Variants in GRID2 observed in about 807,000 individuals in gnomAD.
GRID2 encodes the protein glutamate receptor ionotropic, delta-2.
GRID2 carries 33 observed loss-of-function variants against 114.8 expected under a neutral mutation model. That is an observed-to-expected ratio of 0.29 (90% CI 0.22 to 0.38). The LOEUF (loss-of-function observed/expected upper bound fraction) is 0.38. Ranked by LOEUF, GRID2 falls within the 10% of genes least tolerant of loss-of-function variation. GRID2 has a pLI of 1.00. For synonymous variants in GRID2, 505 were observed against 449.9 expected (o/e 1.12, Z -1.55); for missense variants, 1,184 against 1,257.7 (o/e 0.94, Z 0.89).
chr4:92,916,066 A>C (rs1748766729), intron 2 of GRID2, among the ~76,000 whole-genome samples: 2 of 152,092 alleles, frequency 1.3e-5, no homozygotes, highest in African/African-American at 2.4e-5. Context: ...TAAACTCTTT[A>C]GTGTAATTAG....
chr4:92,571,831 C>A, intron 1 of GRID2, among the ~76,000 whole-genome samples: 1 of 152,128 alleles, frequency 6.6e-6, no homozygotes, highest in Non-Finnish European at 1.5e-5. Flanking sequence ...TTCTTTGAAA[C>A]CAATGAGAAC....
chr4:93,227,076 C>A (rs754539422), intron 7 of GRID2, among the ~76,000 whole-genome samples: 4 of 152,118 alleles, frequency 2.6e-5, no homozygotes, highest in Non-Finnish European at 5.9e-5. Flanking sequence ...ATTTTGCCTT[C>A]CGAGAGACTG....
chr4:92,633,138 G>C (rs1262434427), intron 2 of GRID2, among the ~76,000 whole-genome samples: 1 of 152,050 alleles, frequency 6.6e-6, no homozygotes, highest in Non-Finnish European at 1.5e-5. Flanking sequence ...AGCTCTTTCT[G>C]GTGCATGACA....
intron 13 of GRID2, among the ~76,000 whole-genome samples, chr4:93,538,355 C>T (rs182427302): frequency 6.6e-6 from 1 of 151,470 alleles, no homozygotes; most frequent in East Asian, 1.9e-4. Flanking sequence ...GGATTACAAC[C>T]CAAACTCTAA....
At chr4:93,136,311 T>G (rs1173111594) in intron 4 of GRID2, among the ~76,000 whole-genome samples, 2 of 151,876 alleles carry the variant, frequency 1.3e-5, no homozygotes, top group African/African-American at 4.8e-5. Context: ...ACCTCTTGGA[T>G]ATTTTTAATA....
intron 14 of GRID2, among the ~76,000 whole-genome samples, chr4:93,670,545 T>G (rs1724319805): frequency 6.6e-6 from 1 of 152,144 alleles, no homozygotes; most frequent in African/African-American, 2.4e-5. Flanking sequence ...AACAAAACTT[T>G]GAATGTCTCG....
intron 1 of GRID2, among the ~76,000 whole-genome samples, chr4:93,802,267 C>T (rs1043188360): frequency 6.6e-6 from 1 of 152,112 alleles, no homozygotes; most frequent in Non-Finnish European, 1.5e-5. Context: ...GTTCAGGCAA[C>T]CCCAGGAGCT....
At chr4:92,897,825 G>A (rs1747280276) in intron 2 of GRID2, among the ~76,000 whole-genome samples, 1 of 152,076 alleles carries the variant, frequency 6.6e-6, no homozygotes, top group Non-Finnish European at 1.5e-5. Context: ...GGAAAACTGG[G>A]AAAAAGGCCA....
chr4:93,785,894 G>A (rs556056202), intron 1 of GRID2, among the ~76,000 whole-genome samples: 2 of 152,278 alleles, frequency 1.3e-5, no homozygotes, highest in South Asian at 2.1e-4. Context: ...TGGGGTCTGG[G>A]TCTGGGCTTG....
rs192503747 is a variant in GRID2, at chr4:93,608,472, C to A, written c.2194-17797C>A. ...GCTATCCCTCCTCCCTCCCCCAACC[C>A]CACCACAGTCCCCAGAGTGTGATAT... On this transcript the variant is annotated intron_variant, in intron 13 of 15. Coordinates refer to ENST00000282020, the MANE Select transcript of GRID2 (RefSeq NM_001510.4). Among the ~76,000 whole-genome samples the A allele has an allele frequency of 6.9e-5, 10 of 145,476 alleles. No individual in the cohort carries two copies. The East Asian group carries it at 1.6e-3, about 23-fold the overall frequency.
intron 2 of GRID2, among the ~76,000 whole-genome samples, chr4:92,975,435 C>A (rs762473201): frequency 3.9e-5 from 6 of 152,060 alleles, no homozygotes; most frequent in Middle Eastern, 3.4e-3. Flanking sequence ...GCCTTCCTAA[C>A]CTATAATGGC....
chr4:92,990,155 A>G (rs542034675), intron 2 of GRID2, among the ~76,000 whole-genome samples: 1 of 151,500 alleles, frequency 6.6e-6, no homozygotes, highest in East Asian at 1.9e-4. Flanking sequence ...GTATAGCAAA[A>G]ATACATGGGT....
rs183551429 is a variant in GRID2 at position 92,370,149 on chromosome 4, T to A, written c.88+65405T>A. ...ATTTTCTCAATATTTCAAACTTTTTTAATTATCATTATATCTGTTATGGTG... is the reference window on the plus strand; with the variant it reads ...ATTTTCTCAATATTTCAAACTTTTTAAATTATCATTATATCTGTTATGGTG... On this transcript the variant is annotated intron_variant, in intron 1 of 15. Transcript: ENST00000282020. Among the ~76,000 whole-genome samples the A allele has an allele frequency of 5.9e-3, 894 of 152,314 alleles. 11 individuals carry two copies. Among genetic ancestry groups the A allele is most frequent in the African/African-American group, 0.018 (762 of 41,584 alleles).
intron 2 of GRID2, among the ~76,000 whole-genome samples, chr4:92,866,027 C>T (rs1459175961): frequency 6.6e-6 from 1 of 152,126 alleles, no homozygotes; most frequent in African/African-American, 2.4e-5. Context: ...AGTTATTATT[C>T]ATTTACAGAA....
intron 2 of GRID2, among the ~76,000 whole-genome samples, chr4:92,967,293 A>G (rs1290981048): frequency 6.6e-6 from 1 of 151,992 alleles, no homozygotes; most frequent in African/African-American, 2.4e-5. Flanking sequence ...TCAAATAATT[A>G]TGAAACACCA....
intron 2 of GRID2, among the ~76,000 whole-genome samples, chr4:92,918,757 A>G (rs539399525): frequency 2.6e-4 from 40 of 152,262 alleles, no homozygotes; most frequent in African/African-American, 7.0e-4. Context: ...GTTTGCCAGT[A>G]TTTTATTGAG....
At chr4:93,789,382 G>A (rs1209702140) in intron 1 of GRID2, among the ~76,000 whole-genome samples, 2 of 152,164 alleles carry the variant, frequency 1.3e-5, no homozygotes, top group East Asian at 1.9e-4. Flanking sequence ...TACTAATTAG[G>A]TGTTTTTGTT....
At chr4:93,800,830 ATATAGACACC>A (rs35088848) in intron 1 of GRID2, among the ~76,000 whole-genome samples, 19,642 of 152,104 alleles carry the variant, frequency 0.13, 1,605 homozygotes, top group Non-Finnish European at 0.19. Context: ...TAAATTGTAG[ATATAGACACC>A]AACGTTAAAA....
chr4:93,257,999 TACACACAC>T (rs3970979), intron 8 of GRID2, among the ~76,000 whole-genome samples: 77 of 36,006 alleles, frequency 2.1e-3, no homozygotes, highest in African/African-American at 7.4e-3. Context: ...TATATATATA[TACACACAC>T]ACACACACAC....
Sources: allele counts gnomAD v4.1 joint callset (sites outside exome capture counted in the v4.1 genomes callset), GRCh38; gene constraint gnomAD v4.1.1; transcripts MANE v1.5; gene names NCBI Gene and HGNC (gene_info 2026-07-23, HGNC 2026-07-21).